ERC2: variants seen among roughly 807,000 people sequenced by gnomAD.
ERC2 encodes the protein ELKS/RAB6-interacting/CAST family member 2, also known as ERC protein 2.
A neutral mutation model predicts 114.8 loss-of-function variants in ERC2; 42 were observed. The observed-to-expected ratio is 0.37, with a 90% confidence interval of 0.29 to 0.47. The LOEUF (loss-of-function observed/expected upper bound fraction) is 0.47, where lower values mean the gene tolerates loss of function less well. Among genes scored for constraint, ERC2 ranks in the 20% least tolerant of loss-of-function variants. ERC2 has a pLI of 0.99. For missense variants in ERC2, 939 were observed against 1,150.7 expected, an observed-to-expected ratio of 0.82 and a Z score of 2.66; for synonymous variants, 454 against 425.5, an observed-to-expected ratio of 1.07 and a Z score of -0.82.
chr3:55,622,836 G>A (rs568345913), intron 17 of ERC2, among the ~76,000 whole-genome samples: 4 of 152,088 alleles, frequency 2.6e-5, no homozygotes, highest in African/African-American at 9.6e-5. Flanking sequence ...GGAGGAGTGA[G>A]GGCTCCAGTT....
At chr3:56,040,976 T>G (rs1292336938) in intron 7 of ERC2, among the ~76,000 whole-genome samples, 1 of 151,912 alleles carries the variant, frequency 6.6e-6, no homozygotes, top group Non-Finnish European at 1.5e-5. Flanking sequence ...GGTTTTCCAC[T>G]TCTTAAATGA....
At chr3:55,855,436 C>T (rs1264830885) in intron 14 of ERC2, among the ~76,000 whole-genome samples, 1 of 152,256 alleles carries the variant, frequency 6.6e-6, no homozygotes, top group South Asian at 2.1e-4. Flanking sequence ...AAGAAAAGTA[C>T]ATTCTAATAT....
At chr3:56,245,475 T>C (rs1560450905) in intron 3 of ERC2, among the ~76,000 whole-genome samples, 1 of 149,960 alleles carries the variant, frequency 6.7e-6, no homozygotes, top group Non-Finnish European at 1.5e-5. Flanking sequence ...TCTATACAAT[T>C]TGCCAGACGT....
chr3:55,942,998 T>C (rs534302070), intron 13 of ERC2, among the ~76,000 whole-genome samples: 110 of 152,308 alleles, frequency 7.2e-4, no homozygotes, highest in African/African-American at 2.6e-3. Flanking sequence ...ATTTGAGCTA[T>C]TGGAAAGAGG....
chr3:55,732,951 A>G (rs896535555), intron 15 of ERC2, among the ~76,000 whole-genome samples: 1 of 152,108 alleles, frequency 6.6e-6, no homozygotes, highest in Admixed American at 6.5e-5. Flanking sequence ...CCCACCCCCA[A>G]TGACGGGGGC....
At chr3:56,142,796 G>C (rs949591818) in intron 5 of ERC2, among the ~76,000 whole-genome samples, 5 of 149,454 alleles carry the variant, frequency 3.3e-5, no homozygotes, top group Non-Finnish European at 1.5e-5. Context: ...TTTTCTTGCA[G>C]ATTTTGTGAT....
At chr3:55,812,908 G>C (rs1430861469) in intron 14 of ERC2, among the ~76,000 whole-genome samples, 1 of 152,364 alleles carries the variant, frequency 6.6e-6, no homozygotes, top group African/African-American at 2.4e-5. Context: ...AATGATGACA[G>C]TATGGCATGA....
chr3:55,846,490 C>T (rs60717613), intron 14 of ERC2, among the ~76,000 whole-genome samples: 27,078 of 152,014 alleles, frequency 0.18, 3,556 homozygotes, highest in African/African-American at 0.37. Flanking sequence ...TAGAAAGATT[C>T]ATATTCTTTT....
At chr3:56,272,332 G>C (rs924244418) in intron 3 of ERC2, among the ~76,000 whole-genome samples, 2 of 152,194 alleles carry the variant, frequency 1.3e-5, no homozygotes, top group Non-Finnish European at 1.5e-5. Context: ...TTCCTGCTCT[G>C]CCTATCTAGA....
intron 3 of ERC2, among the ~76,000 whole-genome samples, chr3:56,281,110 T>C (rs961745841): frequency 3.9e-5 from 6 of 152,210 alleles, no homozygotes; most frequent in Non-Finnish European, 7.3e-5. Flanking sequence ...TTTCTAAATG[T>C]ATCGAATACT....
At chr3:55,511,793 C>A (rs1372595661) in intron 17 of ERC2, among the ~76,000 whole-genome samples, 2 of 152,154 alleles carry the variant, frequency 1.3e-5, no homozygotes, top group South Asian at 2.1e-4. Flanking sequence ...CTATTTACTG[C>A]CCTGGGGAAC....
chr3:55,515,686 T>G (rs2107159129), intron 17 of ERC2, among the ~76,000 whole-genome samples: 1 of 151,868 alleles, frequency 6.6e-6, no homozygotes, highest in Non-Finnish European at 1.5e-5. Context: ...TTGACTTGGT[T>G]CTAGGTGGGG....
At chr3:55,602,831 T>C (rs1395649363) in intron 17 of ERC2, among the ~76,000 whole-genome samples, 1 of 152,172 alleles carries the variant, frequency 6.6e-6, no homozygotes, top group Non-Finnish European at 1.5e-5. Flanking sequence ...AGAGAGGACT[T>C]GTTTACCTCT....
chr3:56,244,931 C>G (rs377206844), intron 3 of ERC2, among the ~76,000 whole-genome samples: 2 of 152,014 alleles, frequency 1.3e-5, no homozygotes, highest in Admixed American at 6.6e-5. Context: ...ACCTTTTCTA[C>G]GTTTAGATAT....
chr3:55,908,804 T>C (rs2064625133), intron 13 of ERC2, among the ~76,000 whole-genome samples: 1 of 152,128 alleles, frequency 6.6e-6, no homozygotes, highest in Admixed American at 6.5e-5. Flanking sequence ...GGAATGCTGT[T>C]CTAGCTTACC....
intron 17 of ERC2, among the ~76,000 whole-genome samples, chr3:55,661,768 G>A (rs564020074): frequency 9.2e-5 from 14 of 152,096 alleles, no homozygotes; most frequent in Admixed American, 2.6e-4. Context: ...CAGTCATTAC[G>A]TGTTTAGTTT....
intron 14 of ERC2, among the ~76,000 whole-genome samples, chr3:55,846,797 T>C (rs894227149): frequency 3.3e-5 from 5 of 151,988 alleles, no homozygotes; most frequent in Non-Finnish European, 5.9e-5. Flanking sequence ...ATGTCAGGTT[T>C]CCATTTCAAG....
chr3:56,406,003 G>T (rs1045549717), intron 2 of ERC2, among the ~76,000 whole-genome samples: 2 of 144,172 alleles, frequency 1.4e-5, no homozygotes, highest in East Asian at 4.2e-4. Flanking sequence ...AGCGAGTCTC[G>T]TGTCTCAGCC....
At chr3:55,779,327 CAAAAAAAAAA>C (rs60185894) in intron 14 of ERC2, among the ~76,000 whole-genome samples, 1,518 of 62,492 alleles carry the variant, frequency 0.024, 26 homozygotes, top group African/African-American at 0.069. Context: ...ACTAAAAATA[CAAAAAAAAAA>C]AAAAAAAAAA....
Sources: allele counts gnomAD v4.1 joint callset (sites outside exome capture counted in the v4.1 genomes callset), GRCh38; gene constraint gnomAD v4.1.1; transcripts MANE v1.5; gene names NCBI Gene and HGNC (gene_info 2026-07-23, HGNC 2026-07-21).